Variants in EXOC6B observed in about 807,000 individuals in gnomAD.
EXOC6B encodes exocyst complex component 6B.
A neutral mutation model predicts 113.5 loss-of-function variants in EXOC6B; 54 were observed. The ratio of observed to expected loss-of-function variants is 0.48; its 90% CI spans 0.38 to 0.60. The LOEUF (loss-of-function observed/expected upper bound fraction) is 0.60. Ranked by LOEUF, EXOC6B falls within the 20% of genes least tolerant of loss-of-function variation. EXOC6B has a pLI of 0.00. For missense variants in EXOC6B, 797 were observed against 977.5 expected, an observed-to-expected ratio of 0.82 and a Z score of 2.46; for synonymous variants, 357 against 339.0, an observed-to-expected ratio of 1.05 and a Z score of -0.58.
intron 20 of EXOC6B, among the ~76,000 whole-genome samples, chr2:72,318,446 T>G (rs1209318405): frequency 1.3e-5 from 2 of 151,866 alleles, no homozygotes; most frequent in Non-Finnish European, 2.9e-5. Context: ...CAGGCTAGAG[T>G]GCAATGGTGC....
intron 1 of EXOC6B, among the ~76,000 whole-genome samples, chr2:72,783,478 C>A (rs540414499): frequency 5.3e-4 from 80 of 151,944 alleles, no homozygotes; most frequent in African/African-American, 1.8e-3. Flanking sequence ...GCTGGGCCAC[C>A]ATGCCCAGCT....
At chr2:72,635,669 G>T (rs1023759709) in intron 6 of EXOC6B, among the ~76,000 whole-genome samples, 2 of 152,132 alleles carry the variant, frequency 1.3e-5, no homozygotes, top group Admixed American at 6.5e-5. Flanking sequence ...ATCTTTTCCA[G>T]AAAGCAGAAG....
At chr2:72,782,624 T>C (rs910601859) in intron 1 of EXOC6B, among the ~76,000 whole-genome samples, 4 of 152,150 alleles carry the variant, frequency 2.6e-5, no homozygotes, top group Admixed American at 6.5e-5. Context: ...CATTAAAACT[T>C]ATTCCTTCTA....
chr2:72,502,682 A>G (rs954577566), intron 11 of EXOC6B, among the ~76,000 whole-genome samples: 2 of 152,162 alleles, frequency 1.3e-5, no homozygotes, highest in African/African-American at 4.8e-5. Flanking sequence ...CCCGCCATTT[A>G]CCCTGTTTGA....
chr2:72,462,584 C>T (rs985063537), intron 18 of EXOC6B: 4 of 151,888 alleles, frequency 2.6e-5, no homozygotes, highest in African/African-American at 9.7e-5. Flanking sequence ...TCCTTTTTGC[C>T]TTCTCTGCCA....
intron 1 of EXOC6B, among the ~76,000 whole-genome samples, chr2:72,796,921 A>G (rs1453164941): frequency 6.6e-6 from 1 of 152,240 alleles, no homozygotes; most frequent in East Asian, 1.9e-4. Flanking sequence ...ATCAAGAGGG[A>G]ATAAGATTGT....
At chr2:72,342,396 A>T (rs976845566) in intron 19 of EXOC6B, among the ~76,000 whole-genome samples, 1 of 149,232 alleles carries the variant, frequency 6.7e-6, no homozygotes, top group Non-Finnish European at 1.5e-5. Context: ...CATTTTTCCA[A>T]AAAAGACATA....
intron 20 of EXOC6B, among the ~76,000 whole-genome samples, chr2:72,211,517 C>A (rs1054822278): frequency 6.6e-6 from 1 of 152,146 alleles, no homozygotes; most frequent in Non-Finnish European, 1.5e-5. Context: ...GTACCCAAGA[C>A]AACGTGAAGC....
chr2:72,682,452 C>G (rs1318367379), intron 6 of EXOC6B, among the ~76,000 whole-genome samples: 1 of 152,074 alleles, frequency 6.6e-6, no homozygotes, highest in East Asian at 1.9e-4. Flanking sequence ...ACCTCCTTTT[C>G]TTCTTTTTAC....
At chr2:72,691,787 T>C (rs1171014747) in intron 6 of EXOC6B, among the ~76,000 whole-genome samples, 1 of 151,794 alleles carries the variant, frequency 6.6e-6, no homozygotes, top group Non-Finnish European at 1.5e-5. Flanking sequence ...GTTCAAACGA[T>C]TCTCCTGCCT....
chr2:72,573,141 C>G (rs1175268326), intron 7 of EXOC6B, among the ~76,000 whole-genome samples: 1 of 152,028 alleles, frequency 6.6e-6, no homozygotes, highest in African/African-American at 2.4e-5. Flanking sequence ...TTCAATAGGT[C>G]AATGATAAAG....
chr2:72,611,731 T>C (rs1159557479), intron 6 of EXOC6B, among the ~76,000 whole-genome samples: 1 of 152,158 alleles, frequency 6.6e-6, no homozygotes, highest in Non-Finnish European at 1.5e-5. Flanking sequence ...ATAGTCTAGC[T>C]AAATGTTTAA....
intron 8 of EXOC6B, among the ~76,000 whole-genome samples, chr2:72,530,218 A>C (rs1364122850): frequency 2.6e-5 from 4 of 152,192 alleles, no homozygotes. Context: ...ATGTCAGCTT[A>C]CATTATTCGT....
intron 20 of EXOC6B, among the ~76,000 whole-genome samples, chr2:72,261,185 C>T (rs1025310964): frequency 9.2e-5 from 14 of 151,790 alleles, no homozygotes; most frequent in African/African-American, 3.4e-4. Flanking sequence ...CAAAGAAATA[C>T]AAAAATCACT....
At chr2:72,786,829 A>G (rs1684402004) in intron 1 of EXOC6B, among the ~76,000 whole-genome samples, 1 of 152,192 alleles carries the variant, frequency 6.6e-6, no homozygotes, top group Non-Finnish European at 1.5e-5. Flanking sequence ...GCTTTTGTTG[A>G]AAAAATTATA....
At chr2:72,519,781 C>T (rs930606725) in intron 8 of EXOC6B, among the ~76,000 whole-genome samples, 5 of 152,126 alleles carry the variant, frequency 3.3e-5, no homozygotes, top group Non-Finnish European at 5.9e-5. Flanking sequence ...TTCCAAGTGC[C>T]AAGTGTTTGG....
Position 72,177,827 on chromosome 2 carries a change from C to T in EXOC6B, c.*1508G>A, listed in dbSNP as rs1558985285. On this transcript the variant is annotated 3_prime_UTR_variant, in exon 22 of 22. Transcript: ENST00000272427. ...CTCCCATCAATCCAAGCTGGAAATG[C>T]CTGTGTGGCTTATTTGTCATTGTTT... The T allele has an allele frequency of 6.6e-6, 1 of 152,154 alleles. No homozygotes were observed. The highest frequency in any genetic ancestry group is 1.5e-5 in the Non-Finnish European group (1 of 68,054). 9.4% of individuals were successfully genotyped at this position (152,154 alleles called of 1,614,324 possible).
At chr2:72,353,425 G>T (rs1281496517) in intron 19 of EXOC6B, among the ~76,000 whole-genome samples, 1 of 127,590 alleles carries the variant, frequency 7.8e-6, no homozygotes, top group Non-Finnish European at 1.6e-5. Context: ...AGGCTGGAGT[G>T]CATTGGCACC....
At chr2:72,431,485 T>TTATCTA (rs1553407605) in intron 18 of EXOC6B, among the ~76,000 whole-genome samples, 6 of 133,892 alleles carry the variant, frequency 4.5e-5, no homozygotes, top group African/African-American at 1.7e-4. Context: ...CTTGATTTCT[T>TTATCTA]TATCTATCTA....
Sources: gnomAD v4.1 joint callset for allele counts (sites outside exome capture counted in the v4.1 genomes callset) on GRCh38, gnomAD v4.1.1 for gene constraint, MANE v1.5 for transcripts, NCBI Gene and HGNC (gene_info 2026-07-23, HGNC 2026-07-21) for gene names.